Variants in FNDC3A observed in about 807,000 individuals in gnomAD.
FNDC3A encodes fibronectin type-III domain-containing protein 3A.
Under a neutral mutation model 148.9 loss-of-function variants are expected in FNDC3A, and 32 were observed. The observed-to-expected ratio is 0.21, with a 90% CI of 0.16 to 0.29. FNDC3A has a LOEUF of 0.29. Ranked by LOEUF, FNDC3A falls within the 10% of genes least tolerant of loss-of-function variation. The pLI is 1.00. For missense variants in FNDC3A, 1,191 were observed against 1,452.8 expected, an observed-to-expected ratio of 0.82 and a Z score of 2.93; for synonymous variants, 472 against 473.6, an observed-to-expected ratio of 1.00 and a Z score of 0.04.
chr13:49,187,602 A>G, intron 16 of FNDC3A: 1 of 1,608,480 alleles, frequency 6.2e-7, no homozygotes, highest in South Asian at 1.1e-5. Context: ...AATTCTTCCC[A>G]GGGCCCTCCT....
intron 16 of FNDC3A, 91 bp from the exon 17 acceptor site, chr13:49,188,424 C>A: frequency 1.4e-6 from 1 of 734,414 alleles, no homozygotes; most frequent in Non-Finnish European, 2.3e-6. Context: ...CAAATACTTA[C>A]TTTGTGAAGC....
Position 49,099,421 on chromosome 13 carries a change from A to G in FNDC3A, c.176-15234A>G, listed in dbSNP as rs762115354. Among the ~76,000 whole-genome samples the G allele has an allele frequency of 3.1e-4, 47 of 152,132 alleles. 1 individual carries two copies. Among genetic ancestry groups the G allele is most frequent in the Non-Finnish European group, 5.9e-4 (40 of 67,994 alleles). The stretch of plus-strand genomic sequence containing the variant: ...AACTAACTCCTTTCAGTTTCCTGGT[A>G]GTAGTGGCAGAAGTATTTGATGCTG... On this transcript the variant is annotated intron_variant, in intron 3 of 25. Coordinates refer to ENST00000492622, the MANE Select transcript of FNDC3A (RefSeq NM_001079673.2).
intron 24 of FNDC3A, 23 bp downstream of exon 24, chr13:49,201,989 AT>A: frequency 7.2e-7 from 1 of 1,390,210 alleles, no homozygotes; most frequent in Non-Finnish European, 9.6e-7. Context: ...TCCTGAACTT[AT>A]TTTCTTTATA....
intron 2 of FNDC3A, among the ~76,000 whole-genome samples, chr13:49,019,660 A>G (rs994007340): frequency 3.3e-5 from 5 of 152,330 alleles, no homozygotes; most frequent in South Asian, 4.1e-4. Flanking sequence ...AACTGACAGT[A>G]TATTTCTGGC....
At chr13:49,047,116 A>C (rs1219779305) in intron 2 of FNDC3A, among the ~76,000 whole-genome samples, 1 of 151,346 alleles carries the variant, frequency 6.6e-6, no homozygotes, top group Non-Finnish European at 1.5e-5. Flanking sequence ...AATAGTCTCC[A>C]GTTCCATCCA....
intron 4 of FNDC3A, among the ~76,000 whole-genome samples, chr13:49,128,316 CTCCCTACGA>C (rs1881826382): frequency 6.6e-6 from 1 of 152,134 alleles, no homozygotes; most frequent in Non-Finnish European, 1.5e-5. Context: ...TTGTCTTTGC[CTCCCTACGA>C]TCTCTTCTCA....
intron 3 of FNDC3A, among the ~76,000 whole-genome samples, chr13:49,106,676 T>G (rs1379855356): frequency 6.6e-6 from 1 of 151,016 alleles, no homozygotes; most frequent in Non-Finnish European, 1.5e-5. Context: ...GAATATGATT[T>G]ACTTATTTAC....
intron 3 of FNDC3A, 50 bp downstream of exon 3, chr13:49,075,414 A>T (rs772265148): frequency 9.6e-7 from 1 of 1,044,708 alleles, no homozygotes; most frequent in Non-Finnish European, 1.5e-6. Flanking sequence ...AAACCCCAAA[A>T]ATTTATGATA....
chr13:49,033,341 A>G (rs1874266265), intron 2 of FNDC3A, among the ~76,000 whole-genome samples: 1 of 152,180 alleles, frequency 6.6e-6, no homozygotes. Context: ...ACATTGGATA[A>G]TTTGATAGAA....
intron 2 of FNDC3A, among the ~76,000 whole-genome samples, chr13:49,070,696 T>C (rs937735859): frequency 2.0e-5 from 3 of 152,120 alleles, no homozygotes. Context: ...TGATTTCTTC[T>C]CAATCTCACA....
Position 49,196,941 on chromosome 13 carries a change from C to T in FNDC3A, c.2291C>T (p.Pro764Leu), listed in dbSNP as rs910184916. 3 of 1,612,310 alleles carry T rather than the reference C, an allele frequency of 1.9e-6. No homozygotes were observed. The highest frequency in any genetic ancestry group is 1.7e-5 in the Admixed American group (1 of 59,542). ...TAPGPPDQCKPPQVTCRSATC... is the reference protein window; with the variant it reads ...TAPGPPDQCKLPQVTCRSATC... ...CCTGGGCCACCAGATCAGTGCAAGC[C>T]CCCTCAAGTGACATGTAGATCTGCA... Residue 764 changes from proline (P) to leucine (L), a missense_variant, in exon 20 of 26, where the codon CCC (proline) becomes CTC (leucine). Physicochemically the swap from Pro to Leu is moderately conservative, Grantham distance 98. Transcript: ENST00000492622.
chr13:48,984,912 G>C (rs1476395804), intron 1 of FNDC3A, among the ~76,000 whole-genome samples: 1 of 152,114 alleles, frequency 6.6e-6, no homozygotes, highest in African/African-American at 2.4e-5. Context: ...TCGATCTCTT[G>C]AGCTTGTGAT....
chr13:49,194,770 A>G (rs921852598), intron 19 of FNDC3A, among the ~76,000 whole-genome samples: 5 of 152,148 alleles, frequency 3.3e-5, no homozygotes, highest in African/African-American at 4.8e-5. Flanking sequence ...TTTTATACAT[A>G]TGATAGTATA....
intron 1 of FNDC3A, among the ~76,000 whole-genome samples, chr13:48,997,301 G>T (rs1952041190): frequency 6.6e-6 from 1 of 152,174 alleles, no homozygotes; most frequent in Non-Finnish European, 1.5e-5. Context: ...ACAAATCTGG[G>T]TGGAATTAAC....
intron 14 of FNDC3A, among the ~76,000 whole-genome samples, chr13:49,180,465 T>C (rs1885247615): frequency 6.6e-6 from 1 of 152,200 alleles, no homozygotes. Context: ...TTTCTAAATA[T>C]GATTTTCATA....
intron 1 of FNDC3A, among the ~76,000 whole-genome samples, chr13:49,005,101 A>G (rs1003612478): frequency 7.9e-5 from 12 of 151,942 alleles, no homozygotes; most frequent in African/African-American, 2.7e-4. Context: ...GGTATTAACT[A>G]TGAAATCTTC....
intron 8 of FNDC3A, among the ~76,000 whole-genome samples, chr13:49,151,082 G>A (rs1386647472): frequency 6.6e-6 from 1 of 152,062 alleles, no homozygotes; most frequent in Admixed American, 6.6e-5. Context: ...TATTCACAAA[G>A]GTCAGTTATG....
intron 19 of FNDC3A, among the ~76,000 whole-genome samples, chr13:49,195,426 C>A (rs1886098732): frequency 6.6e-6 from 1 of 152,150 alleles, no homozygotes; most frequent in South Asian, 2.1e-4. Flanking sequence ...TCTGAAGTCA[C>A]TGATACTCTG....
At chr13:49,137,151 CCTT>C (rs1368751876) in intron 6 of FNDC3A, among the ~76,000 whole-genome samples, 1 of 152,114 alleles carries the variant, frequency 6.6e-6, no homozygotes, top group African/African-American at 2.4e-5. Context: ...ATTTCTCCCA[CCTT>C]CTTTTTGAGT....
Sources: allele counts gnomAD v4.1 joint callset (sites outside exome capture counted in the v4.1 genomes callset), GRCh38; gene constraint gnomAD v4.1.1; transcripts MANE v1.5; gene names NCBI Gene and HGNC (gene_info 2026-07-23, HGNC 2026-07-21).